Variants in LOC400499 observed in about 807,000 individuals in gnomAD.
the LOC400499 span, among the ~76,000 whole-genome samples, chr16:11,420,649 C>G: frequency 2.2e-5 from 3 of 137,792 alleles, no homozygotes; most frequent in East Asian, 4.5e-4. Flanking sequence ...TCCACCACCT[C>G]TACCACAATT....
chr16:11,425,641 G>A, the LOC400499 span, among the ~76,000 whole-genome samples: 27 of 152,048 alleles, frequency 1.8e-4, no homozygotes, highest in African/African-American at 5.8e-4. Flanking sequence ...GACCTAATTC[G>A]CAAAATAATT....
chr16:11,462,325 C>G, the LOC400499 span: 1 of 1,452,676 alleles, frequency 6.9e-7, no homozygotes, highest in Non-Finnish European at 9.1e-7. Context: ...TCAGTGTCAC[C>G]TGGGAGGACA....
the LOC400499 span, among the ~76,000 whole-genome samples, chr16:11,409,505 C>T: frequency 0.01 from 1,523 of 152,218 alleles, 28 homozygotes; most frequent in African/African-American, 0.035. Flanking sequence ...CCTGCAACCC[C>T]CACAACATTT....
the LOC400499 span, chr16:11,392,881 T>G: frequency 1.2e-6 from 1 of 827,524 alleles, no homozygotes; most frequent in Non-Finnish European, 1.5e-6. Flanking sequence ...TGAGACAGAG[T>G]CTCGCTCTGT....
chr16:11,490,322 G>C, the LOC400499 span, among the ~76,000 whole-genome samples: 8 of 147,614 alleles, frequency 5.4e-5, no homozygotes, highest in African/African-American at 1.8e-4. Flanking sequence ...CCTGAACCCA[G>C]AAGGCAGAGG....
At chr16:11,494,364 G>T in the LOC400499 span, among the ~76,000 whole-genome samples, 8 of 147,994 alleles carry the variant, frequency 5.4e-5, no homozygotes, top group South Asian at 6.5e-4. Flanking sequence ...GCAGTGGTGT[G>T]GGGGGGGCAG....
the LOC400499 span, among the ~76,000 whole-genome samples, chr16:11,409,908 G>C: frequency 6.6e-6 from 1 of 152,170 alleles, no homozygotes; most frequent in African/African-American, 2.4e-5. Context: ...TTAACAATTG[G>C]TCAATGTTCA....
chr16:11,518,840 A>G, the LOC400499 span: 3 of 399,088 alleles, frequency 7.5e-6, no homozygotes, highest in Non-Finnish European at 1.3e-5. Context: ...AAGACGGCAG[A>G]GGGCTCACAG....
chr16:11,421,215 G>A, the LOC400499 span, among the ~76,000 whole-genome samples: 1 of 152,090 alleles, frequency 6.6e-6, no homozygotes, highest in Non-Finnish European at 1.5e-5. Context: ...GCGCTTCCCT[G>A]CACCCCAGCC....
the LOC400499 span, among the ~76,000 whole-genome samples, chr16:11,486,762 GGAT>G: frequency 1.6e-5 from 1 of 64,290 alleles, no homozygotes. Context: ...GTGGGTGGAT[GGAT>G]GAATGGATAA....
the LOC400499 span, among the ~76,000 whole-genome samples, chr16:11,395,690 G>T: frequency 4.4e-4 from 67 of 152,340 alleles, 1 homozygote; most frequent in Admixed American, 1.4e-3. Flanking sequence ...AAGGGAGATG[G>T]TATTTGTTCC....
At chr16:11,491,088 T>C in the LOC400499 span, among the ~76,000 whole-genome samples, 1 of 152,210 alleles carries the variant, frequency 6.6e-6, no homozygotes, top group Non-Finnish European at 1.5e-5. Flanking sequence ...ACTAGCATTA[T>C]CCCTATTTTA....
the LOC400499 span, among the ~76,000 whole-genome samples, chr16:11,380,365 A>AAGTC: frequency 1.3e-5 from 2 of 152,142 alleles, no homozygotes; most frequent in African/African-American, 4.8e-5. Flanking sequence ...GCAGATCACG[A>AAGTC]AGTCAGGAGT....
chr16:11,527,341 C>CTCCAATAA, the LOC400499 span, among the ~76,000 whole-genome samples: 1 of 152,194 alleles, frequency 6.6e-6, no homozygotes, highest in South Asian at 2.1e-4. Flanking sequence ...GAGATCCAGC[C>CTCCAATAA]AGTCAGAAGC....
At chr16:11,426,046 T>A in the LOC400499 span, among the ~76,000 whole-genome samples, 1 of 152,176 alleles carries the variant, frequency 6.6e-6, no homozygotes, top group Admixed American at 6.6e-5. Flanking sequence ...CGAAGTCCAA[T>A]TTAATTCACA....
chr16:11,493,810 G>T, the LOC400499 span: 2 of 363,498 alleles, frequency 5.5e-6, no homozygotes, highest in Non-Finnish European at 9.5e-6. Flanking sequence ...AATCGAGATG[G>T]AGGTAGGACC....
the LOC400499 span, among the ~76,000 whole-genome samples, chr16:11,397,926 G>A: frequency 5.9e-5 from 9 of 152,142 alleles, no homozygotes; most frequent in South Asian, 8.3e-4. Flanking sequence ...GGAAGGATGC[G>A]TAAAGGAATG....
chr16:11,394,604 C>T, the LOC400499 span, among the ~76,000 whole-genome samples: 10 of 152,184 alleles, frequency 6.6e-5, no homozygotes, highest in South Asian at 2.1e-4. Context: ...TGGTGTTATT[C>T]GGAAATAGGT....
At chr16:11,376,826 G>C in the LOC400499 span, among the ~76,000 whole-genome samples, 4 of 152,100 alleles carry the variant, frequency 2.6e-5, no homozygotes, top group Non-Finnish European at 5.9e-5. Context: ...ATAAATATGA[G>C]ATGCCTTTAC....
Sources: allele counts gnomAD v4.1 joint callset (sites outside exome capture counted in the v4.1 genomes callset), GRCh38; gene constraint gnomAD v4.1.1; transcripts MANE v1.5.